Variants in FBXO4 observed in about 807,000 individuals in gnomAD.
The protein encoded by FBXO4 is F-box only protein 4.
In FBXO4, 36 loss-of-function variants were observed where a neutral mutation model predicts 43.7. That is an observed-to-expected ratio of 0.82 (90% CI 0.63 to 1.09). FBXO4 has a LOEUF of 1.09. Among genes scored for constraint, FBXO4 ranks in the 50% least tolerant of loss-of-function variants. The pLI is 0.00. For synonymous variants in FBXO4, 180 were observed against 165.6 expected (o/e 1.09, Z -0.67); for missense variants, 435 against 474.1 (o/e 0.92, Z 0.77).
At chr5:42,033,738 C>T in the FBXO4 span, among the ~76,000 whole-genome samples, 45 of 152,256 alleles carry the variant, frequency 3.0e-4, no homozygotes, top group African/African-American at 1.1e-3. Context: ...CATAGCATTC[C>T]GTGGTGTATA....
At chr5:42,019,420 G>T in the FBXO4 span, among the ~76,000 whole-genome samples, 1 of 152,186 alleles carries the variant, frequency 6.6e-6, no homozygotes, top group Non-Finnish European at 1.5e-5. Context: ...CAGGTGCAGT[G>T]GCTCACGCCT....
At chr5:41,946,150 G>A (rs1295808293), downstream of FBXO4, among the ~76,000 whole-genome samples, 1 of 152,152 alleles carries the variant, frequency 6.6e-6, no homozygotes, top group Non-Finnish European at 1.5e-5. Context: ...ACCAAAAGGT[G>A]GTGACACCCC....
the FBXO4 span, among the ~76,000 whole-genome samples, chr5:41,988,098 A>G: frequency 6.6e-6 from 1 of 152,172 alleles, no homozygotes; most frequent in African/African-American, 2.4e-5. Flanking sequence ...CACGGCTTTT[A>G]GTAATATGGT....
chr5:41,999,480 C>CATATATATATATGTGT, the FBXO4 span, among the ~76,000 whole-genome samples: 2 of 114,944 alleles, frequency 1.7e-5, no homozygotes, highest in African/African-American at 7.4e-5. Context: ...TATATATACA[C>CATATATATATATGTGT]ATATATATAT....
chr5:41,943,245 C>G (rs1023890579), downstream of FBXO4, among the ~76,000 whole-genome samples: 1 of 152,098 alleles, frequency 6.6e-6, no homozygotes, highest in African/African-American at 2.4e-5. Flanking sequence ...TTCCTGGACT[C>G]TAGTGTGGTT....
chr5:41,992,518 C>A, the FBXO4 span, among the ~76,000 whole-genome samples: 1 of 152,166 alleles, frequency 6.6e-6, no homozygotes, highest in Non-Finnish European at 1.5e-5. Context: ...AACTTATAAT[C>A]CCAGAGCTAA....
At chr5:41,976,896 C>T in the FBXO4 span, among the ~76,000 whole-genome samples, 5 of 152,324 alleles carry the variant, frequency 3.3e-5, no homozygotes, top group Non-Finnish European at 5.9e-5. Context: ...ACAGGATTCG[C>T]ATCCTGTGAA....
At chr5:41,988,200 C>T in the FBXO4 span, among the ~76,000 whole-genome samples, 1 of 152,224 alleles carries the variant, frequency 6.6e-6, no homozygotes, top group African/African-American at 2.4e-5. Context: ...GTGAACTTCA[C>T]ATGTCCTTCT....
At chr5:41,985,360 T>C in the FBXO4 span, among the ~76,000 whole-genome samples, 2 of 152,236 alleles carry the variant, frequency 1.3e-5, no homozygotes, top group South Asian at 2.1e-4. Context: ...GATTTGCTGA[T>C]GGTAAATATT....
the FBXO4 span, among the ~76,000 whole-genome samples, chr5:42,012,133 C>G: frequency 6.6e-6 from 1 of 152,130 alleles, no homozygotes; most frequent in African/African-American, 2.4e-5. Flanking sequence ...CTGATGGGTT[C>G]AGGAAACCCT....
chr5:41,926,210 G>C (rs1751493611), intron 1 of FBXO4, among the ~76,000 whole-genome samples: 1 of 152,182 alleles, frequency 6.6e-6, no homozygotes, highest in Non-Finnish European at 1.5e-5. Context: ...TGCAGGTTTA[G>C]AATGCCTCCA....
At chr5:42,017,826 T>G in the FBXO4 span, among the ~76,000 whole-genome samples, 3 of 152,116 alleles carry the variant, frequency 2.0e-5, no homozygotes, top group African/African-American at 7.2e-5. Flanking sequence ...CACCGCATTT[T>G]CTTTATCTAA....
chr5:41,990,986 C>T, the FBXO4 span, among the ~76,000 whole-genome samples: 3 of 152,156 alleles, frequency 2.0e-5, no homozygotes, highest in East Asian at 5.8e-4. Flanking sequence ...TCTACCACAT[C>T]TTAAGGACAA....
the FBXO4 span, among the ~76,000 whole-genome samples, chr5:42,006,887 G>GATATATAGATAT: frequency 1.3e-5 from 1 of 79,120 alleles, no homozygotes. Context: ...GGTTCATGCT[G>GATATATAGATAT]ATATATATAT....
the FBXO4 span, among the ~76,000 whole-genome samples, chr5:41,966,397 C>G: frequency 1.3e-3 from 198 of 152,172 alleles, 2 homozygotes; most frequent in Middle Eastern, 0.037. Context: ...TGAAGTTAAA[C>G]TGTATAGCAA....
the FBXO4 span, among the ~76,000 whole-genome samples, chr5:41,994,556 T>C: frequency 2.0e-4 from 31 of 152,312 alleles, no homozygotes; most frequent in East Asian, 9.7e-4. Flanking sequence ...CGGATTGGAC[T>C]GTTGTAGTTT....
rs773214530 is a variant in FBXO4, at chr5:41,941,179, T to C, written c.1075-13T>C. ...GTTTCTTACTAACAACATTCTCTCT[T>C]ATGTATTCCGAGGTCCAGGATACAG... is the stretch of plus-strand genomic sequence containing the variant. On this transcript the variant is annotated splice_polypyrimidine_tract_variant and intron_variant, in intron 6 of 6. Transcript: ENST00000281623. 2.5e-6 allele frequency: 4 copies of C among 1,609,868 alleles called. No individual in the cohort carries two copies. The highest frequency in any genetic ancestry group is 3.4e-6 in the Non-Finnish European group (4 of 1,176,498).
chr5:41,982,655 T>G, the FBXO4 span, among the ~76,000 whole-genome samples: 1 of 152,170 alleles, frequency 6.6e-6, no homozygotes, highest in Admixed American at 6.5e-5. Flanking sequence ...ATAGTCTAAT[T>G]TGCCTACTAA....
the FBXO4 span, among the ~76,000 whole-genome samples, chr5:41,976,025 T>C: frequency 1.3e-5 from 2 of 151,936 alleles, no homozygotes; most frequent in African/African-American, 2.4e-5. Flanking sequence ...GGGGAGAGGT[T>C]CCATGCTCTT....
Sources: allele counts gnomAD v4.1 joint callset (sites outside exome capture counted in the v4.1 genomes callset), GRCh38; gene constraint gnomAD v4.1.1; transcripts MANE v1.5; gene names NCBI Gene and HGNC (gene_info 2026-07-23, HGNC 2026-07-21).